Variants in GABRG3 observed in about 807,000 individuals in gnomAD.
The protein encoded by GABRG3 is gamma-aminobutyric acid type A receptor subunit gamma3.
In GABRG3, 25 loss-of-function variants were observed where a neutral mutation model predicts 48.8. The ratio of observed to expected loss-of-function variants is 0.51; its 90% CI spans 0.37 to 0.72. GABRG3 has a LOEUF of 0.72. Among genes scored for constraint, GABRG3 ranks in the 30% least tolerant of loss-of-function variants. The probability of loss-of-function intolerance (pLI) is 0.00; values close to 1 mark genes in which losing one functional copy is unlikely to be tolerated. For synonymous variants in GABRG3, 227 were observed against 217.6 expected, an observed-to-expected ratio of 1.04 and a Z score of -0.38; for missense variants, 394 against 577.9, an observed-to-expected ratio of 0.68 and a Z score of 3.26.
chr15:27,046,040 G>C (rs1896357308), intron 3 of GABRG3, among the ~76,000 whole-genome samples: 1 of 152,220 alleles, frequency 6.6e-6, no homozygotes, highest in Non-Finnish European at 1.5e-5. Flanking sequence ...ACGGAAGTGT[G>C]AAGGGCGAGG....
At chr15:27,268,637 C>G (rs1410311501) in intron 3 of GABRG3, among the ~76,000 whole-genome samples, 2 of 152,126 alleles carry the variant, frequency 1.3e-5, no homozygotes, top group African/African-American at 4.8e-5. Flanking sequence ...TAAGGTCTAT[C>G]TTTAATATTG....
chr15:27,109,679 T>C (rs1166944325), intron 3 of GABRG3, among the ~76,000 whole-genome samples: 1 of 152,200 alleles, frequency 6.6e-6, no homozygotes, highest in East Asian at 1.9e-4. Flanking sequence ...ACTCAGGAGT[T>C]TGAGACCAGC....
At chr15:27,189,459 G>A (rs528068045) in intron 3 of GABRG3, among the ~76,000 whole-genome samples, 355 of 152,248 alleles carry the variant, frequency 2.3e-3, no homozygotes, top group African/African-American at 8.3e-3. Flanking sequence ...TTGTAAGGTG[G>A]ATTCCTAGGT....
intron 3 of GABRG3, among the ~76,000 whole-genome samples, chr15:27,100,863 A>G (rs973628990): frequency 6.6e-6 from 1 of 152,244 alleles, no homozygotes; most frequent in Non-Finnish European, 1.5e-5. Flanking sequence ...ACGCAGAACT[A>G]CAGGTAGCAT....
intron 3 of GABRG3, among the ~76,000 whole-genome samples, chr15:27,216,779 T>TTTTTTAA (rs1889271095): frequency 2.4e-5 from 1 of 41,468 alleles, no homozygotes; most frequent in Non-Finnish European, 4.9e-5. Flanking sequence ...TATTTTTTAA[T>TTTTTTAA]TTTTTTTTTT....
chr15:26,983,909 C>G (rs912189305), intron 2 of GABRG3, among the ~76,000 whole-genome samples: 1 of 152,090 alleles, frequency 6.6e-6, no homozygotes, highest in African/African-American at 2.4e-5. Context: ...GGACACTAGA[C>G]CTCCTGTTTT....
chr15:27,157,876 A>G (rs1266645380), intron 3 of GABRG3: 1 of 152,250 alleles, frequency 6.6e-6, no homozygotes, highest in African/African-American at 2.4e-5. Flanking sequence ...TCCCTTGCTG[A>G]ATATAAATGA....
At chr15:27,092,400 A>G (rs1406121674) in intron 3 of GABRG3, among the ~76,000 whole-genome samples, 1 of 152,124 alleles carries the variant, frequency 6.6e-6, no homozygotes, top group African/African-American at 2.4e-5. Context: ...TTATGTGTCC[A>G]TGTTCATCTC....
In GABRG3 at chr15:27,388,285, AAGGAAGAAAAGAAGGAAGGAAAGG is replaced by A. The variant is rs1566818323; in HGVS notation, c.574+59398_574+59421del. Among the ~76,000 whole-genome samples the A allele has an allele frequency of 9.5e-4, 46 of 48,420 alleles. 1 individual carries two copies. The highest frequency in any genetic ancestry group is 4.5e-3 in the African/African-American group (44 of 9,786). The allele number at this position is 48,420 out of a possible 152,430, so 31.8% of individuals were successfully genotyped here. A position where few individuals can be genotyped will look rare whatever the true frequency, so the allele number is the denominator to read the frequency against. On this transcript the variant is annotated intron_variant, in intron 5 of 9. Transcript: ENST00000615808. ...AAGGAGGGAGGGAGGGTAAGGAAGG[AAGGAAGAAAAGAAGGAAGGAAAGG>A]GAGGGAGGGAAAAGAAGGAAGGAAG...
At chr15:27,074,392 T>A (rs549367254) in intron 3 of GABRG3, among the ~76,000 whole-genome samples, 1 of 151,726 alleles carries the variant, frequency 6.6e-6, no homozygotes, top group African/African-American at 2.4e-5. Context: ...ATCACAGGAG[T>A]GACATGTGAC....
intron 3 of GABRG3, among the ~76,000 whole-genome samples, chr15:27,199,742 A>C (rs1261896076): frequency 6.6e-6 from 1 of 152,196 alleles, no homozygotes; most frequent in Non-Finnish European, 1.5e-5. Context: ...TAGAACCATA[A>C]ACCAAATAAA....
intron 5 of GABRG3, chr15:27,419,119 AT>A (rs1566831916): frequency 6.6e-6 from 1 of 152,266 alleles, no homozygotes; most frequent in East Asian, 1.9e-4. Flanking sequence ...ATAGGTCTTC[AT>A]CCTTGGAAAG....
chr15:27,210,992 AG>A (rs746839519), intron 3 of GABRG3, among the ~76,000 whole-genome samples: 47 of 152,316 alleles, frequency 3.1e-4, no homozygotes, highest in Non-Finnish European at 5.3e-4. Context: ...GAAATAAAAG[AG>A]GGGGTAGAGA....
intron 5 of GABRG3, among the ~76,000 whole-genome samples, chr15:27,478,204 G>A (rs116844158): frequency 1.0e-3 from 158 of 152,114 alleles, no homozygotes; most frequent in Non-Finnish European, 1.6e-3. Context: ...AATTCCAGTC[G>A]CTTCAAAAGA....
intron 3 of GABRG3, among the ~76,000 whole-genome samples, chr15:27,090,397 T>C (rs1897164582): frequency 6.6e-6 from 1 of 152,220 alleles, no homozygotes; most frequent in East Asian, 1.9e-4. Flanking sequence ...GAGCAGCACC[T>C]GCGTTTAGGA....
At position 27,019,169 on chromosome 15, in the gene GABRG3, C is replaced by T. The variant is rs553599680; in HGVS notation, c.203-7585C>T. ...CTGCAAGCTCTGCCTCCCGGGTTCACGCCATTCTCCTGCCTCAGCCTCCCG... is the reference window on the plus strand; with the variant it reads ...CTGCAAGCTCTGCCTCCCGGGTTCATGCCATTCTCCTGCCTCAGCCTCCCG... On this transcript the variant is annotated intron_variant, in intron 2 of 9. Coordinates refer to ENST00000615808, the MANE Select transcript of GABRG3 (RefSeq NM_033223.5). Among the ~76,000 whole-genome samples the T allele has an allele frequency of 8.8e-5, 13 of 148,384 alleles. No homozygotes were observed. In the East Asian group the frequency reaches 1.8e-3, roughly 21 times the overall value.
intron 3 of GABRG3, among the ~76,000 whole-genome samples, chr15:27,038,963 C>G (rs1896227434): frequency 6.6e-6 from 1 of 152,146 alleles, no homozygotes; most frequent in Non-Finnish European, 1.5e-5. Flanking sequence ...AAAAGCAGAG[C>G]CAGCAGAAAT....
intron 3 of GABRG3, among the ~76,000 whole-genome samples, chr15:27,306,987 CATGTTTAT>C (rs1892555540): frequency 1.8e-5 from 2 of 110,568 alleles, no homozygotes; most frequent in African/African-American, 8.3e-5. Context: ...ATAATATAAA[CATGTTTAT>C]ATATAAACAT....
intron 6 of GABRG3, among the ~76,000 whole-genome samples, chr15:27,510,622 T>G (rs374041732): frequency 6.6e-6 from 1 of 152,236 alleles, no homozygotes; most frequent in Non-Finnish European, 1.5e-5. Flanking sequence ...CAGCATTTAG[T>G]GATCAGATAG....
Sources: allele counts gnomAD v4.1 joint callset (sites outside exome capture counted in the v4.1 genomes callset), GRCh38; gene constraint gnomAD v4.1.1; transcripts MANE v1.5; gene names NCBI Gene and HGNC (gene_info 2026-07-23, HGNC 2026-07-21).